DESI2: variants seen among roughly 807,000 people sequenced by gnomAD.
DESI2 encodes the protein desumoylating isopeptidase 2.
DESI2 carries 10 observed loss-of-function variants against 24.1 expected under a neutral mutation model. The ratio of observed to expected loss-of-function variants is 0.41; its 90% CI spans 0.26 to 0.70. DESI2 has a LOEUF of 0.70. DESI2 is among the 30% of genes least tolerant of loss of function. The probability of loss-of-function intolerance (pLI) is 0.29; values close to 1 mark genes in which losing one functional copy is unlikely to be tolerated. For synonymous variants in DESI2, 71 were observed against 87.7 expected (o/e 0.81, Z 1.06); for missense variants, 122 against 234.9 (o/e 0.52, Z 3.14).
chr1:244,686,178 G>C (rs1250522506), intron 1 of DESI2, among the ~76,000 whole-genome samples: 3 of 152,020 alleles, frequency 2.0e-5, no homozygotes, highest in Non-Finnish European at 4.4e-5. Flanking sequence ...AAATATTTCT[G>C]CTTTCAGGGA....
intron 1 of DESI2, among the ~76,000 whole-genome samples, chr1:244,677,378 G>A (rs1676448476): frequency 6.6e-6 from 1 of 152,062 alleles, no homozygotes; most frequent in East Asian, 1.9e-4. Flanking sequence ...TTTCCATTAG[G>A]TTGGTAGAGA....
chr1:244,657,669 A>G (rs1675695981), intron 1 of DESI2, among the ~76,000 whole-genome samples: 1 of 152,210 alleles, frequency 6.6e-6, no homozygotes, highest in South Asian at 2.1e-4. Context: ...AAGAACCAGG[A>G]CTTTCCATCC....
chr1:244,693,637 G>C (rs1276303933), intron 4 of DESI2, among the ~76,000 whole-genome samples: 1 of 152,108 alleles, frequency 6.6e-6, no homozygotes, highest in Non-Finnish European at 1.5e-5. Flanking sequence ...CTCCATGTTG[G>C]TTAGGCTGGT....
chr1:244,683,465 T>C lies in DESI2; in HGVS notation c.43-3132T>C, dbSNP rs563532448. 2.2e-4 allele frequency among the ~76,000 whole-genome samples: 34 copies of C among 151,800 alleles called. No homozygotes were observed. In the South Asian group the frequency reaches 2.3e-3, roughly 10 times the overall value. On this transcript the variant is annotated intron_variant, in intron 1 of 4. Transcript: ENST00000302550. ...TAGCTGGGACTACAAGTGCCCGCCATCACACCCGGCTAATTTTTTGTATTT... is the reference window on the plus strand; with the variant it reads ...TAGCTGGGACTACAAGTGCCCGCCACCACACCCGGCTAATTTTTTGTATTT...
At position 244,707,762 on chromosome 1, in the gene DESI2, A is replaced by T. The variant is rs1203087475; in HGVS notation, c.*1973A>T. 2.0e-5 allele frequency: 3 copies of T among 152,248 alleles called. No individual in the cohort carries two copies. Among genetic ancestry groups the T allele is most frequent in the Non-Finnish European group, 2.9e-5 (2 of 68,030 alleles). The allele number at this position is 152,248 out of a possible 1,614,324, so 9.4% of individuals were successfully genotyped here. A position where few individuals can be genotyped will look rare whatever the true frequency, so the allele number is the denominator to read the frequency against. ...ACTCTTCTTAGTGAATATCAGGAAC[A>T]TCCCATCTGTGCTTAACCAGAATCC... is the stretch of plus-strand genomic sequence containing the variant. On this transcript the variant is annotated 3_prime_UTR_variant, in exon 5 of 5. Coordinates refer to ENST00000302550, the MANE Select transcript of DESI2 (RefSeq NM_016076.5).
At chr1:244,692,893 C>CT (rs1385551414) in intron 4 of DESI2, among the ~76,000 whole-genome samples, 2 of 152,194 alleles carry the variant, frequency 1.3e-5, no homozygotes, top group Non-Finnish European at 2.9e-5. Flanking sequence ...CAAATCTTCA[C>CT]TTTAACAAGA....
rs531070014 is a variant in DESI2 at position 244,702,894 on chromosome 1, TTAAC to T, written c.352-2658_352-2655del. Reference sequence around the variant, plus strand: ...TGAATAGGCAACAGTCGCTATCACATTAACTAAATAGTCTTAGTCATGACTTACA... The same window carrying T: ...TGAATAGGCAACAGTCGCTATCACATTAAATAGTCTTAGTCATGACTTACA... On this transcript the variant is annotated intron_variant, in intron 4 of 4. Transcript: ENST00000302550. Among the ~76,000 whole-genome samples the T allele has an allele frequency of 1.9e-4, 29 of 152,302 alleles. No individual in the cohort carries two copies. The South Asian group carries it at 2.5e-3, about 13-fold the overall frequency.
intron 1 of DESI2, among the ~76,000 whole-genome samples, chr1:244,655,527 A>G (rs1282676619): frequency 1.3e-5 from 2 of 152,230 alleles, no homozygotes; most frequent in East Asian, 3.8e-4. Context: ...AGCCACAAGG[A>G]TGAGTTAACT....
Position 244,707,237 on chromosome 1 carries a change from A to G in DESI2, c.*1448A>G, listed in dbSNP as rs1197245763. 2.0e-5 allele frequency: 3 copies of G among 152,560 alleles called. No individual in the cohort carries two copies. The East Asian group carries it at 5.8e-4, about 29-fold the overall frequency. The allele number at this position is 152,560 out of a possible 1,614,324, so 9.5% of individuals were successfully genotyped here. A position where few individuals can be genotyped will look rare whatever the true frequency, so the allele number is the denominator to read the frequency against. On this transcript the variant is annotated 3_prime_UTR_variant, in exon 5 of 5. Transcript: ENST00000302550. ...TTGTTTGCTATTGCTCTGTGTGAGG[A>G]TACATAATCTTTCAGTAAACTGTAT...
intron 1 of DESI2, among the ~76,000 whole-genome samples, chr1:244,660,383 G>A (rs1034617118): frequency 6.6e-6 from 1 of 152,134 alleles, no homozygotes; most frequent in African/African-American, 2.4e-5. Context: ...GGCCACACTG[G>A]TCTCAGTCTC....
At chr1:244,695,765 T>C (rs888598087) in intron 4 of DESI2, among the ~76,000 whole-genome samples, 32 of 152,276 alleles carry the variant, frequency 2.1e-4, no homozygotes, top group Admixed American at 1.6e-3. Context: ...CAGCCCCAAA[T>C]TGTTTTGAAA....
chr1:244,689,424 C>G lies in DESI2; in HGVS notation c.209+82C>G. On this transcript the variant is annotated intron_variant, in intron 3 of 4. Coordinates refer to ENST00000302550, the MANE Select transcript of DESI2 (RefSeq NM_016076.5). The surrounding 1 kb of genome is among the most constrained non-coding windows in gnomAD (Gnocchi z 4.0). ...GGTATACAGAATTCATTCTGTAAAT[C>G]AAAACAAACCCAAGAAGTTAAAAAT... The G allele has an allele frequency of 1.6e-6, 1 of 639,688 alleles. No individual in the cohort carries two copies. The highest frequency in any genetic ancestry group is 2.8e-6 in the Non-Finnish European group (1 of 360,596). 39.6% of individuals were successfully genotyped at this position (639,688 alleles called of 1,614,324 possible).
intron 1 of DESI2, among the ~76,000 whole-genome samples, chr1:244,679,281 AAAGT>A (rs1214386068): frequency 6.6e-6 from 1 of 152,132 alleles, no homozygotes. Flanking sequence ...AAAGGGGGAG[AAAGT>A]AAGAGGATAG....
Position 244,706,512 on chromosome 1 carries a change from G to A in DESI2, c.*723G>A, listed in dbSNP as rs760468696. 4 of 152,632 alleles carry A rather than the reference G, an allele frequency of 2.6e-5. No homozygotes were observed. Among genetic ancestry groups the A allele is most frequent in the African/African-American group, 9.7e-5 (4 of 41,438 alleles). 9.5% of individuals were successfully genotyped at this position (152,632 alleles called of 1,614,324 possible). A position where few individuals can be genotyped will look rare whatever the true frequency, so the allele number is the denominator to read the frequency against. ...TGACTTTGATGCCACTCATTCTATAGTTTAGCTGGTTTTCGTTCAAGATAT... is the reference window on the plus strand; with the variant it reads ...TGACTTTGATGCCACTCATTCTATAATTTAGCTGGTTTTCGTTCAAGATAT... On this transcript the variant is annotated 3_prime_UTR_variant, in exon 5 of 5. Coordinates refer to ENST00000302550, the MANE Select transcript of DESI2 (RefSeq NM_016076.5).
intron 4 of DESI2, among the ~76,000 whole-genome samples, chr1:244,702,178 A>T (rs1474951629): frequency 6.6e-6 from 1 of 152,202 alleles, no homozygotes; most frequent in Non-Finnish European, 1.5e-5. Context: ...TCAGGTAGCA[A>T]TGCTAAGTGA....
intron 2 of DESI2, among the ~76,000 whole-genome samples, chr1:244,688,458 TA>T (rs1406048465): frequency 1.3e-5 from 2 of 152,214 alleles, no homozygotes; most frequent in African/African-American, 4.8e-5. Context: ...TAAGACCTTT[TA>T]AGGTATATTT....
At chr1:244,672,536 C>T (rs751162141) in intron 1 of DESI2, among the ~76,000 whole-genome samples, 1 of 152,152 alleles carries the variant, frequency 6.6e-6, no homozygotes, top group Admixed American at 6.6e-5. Flanking sequence ...AACGGACTAA[C>T]ACACCAGGTT....
At chr1:244,691,411 G>A (rs746612889) in intron 3 of DESI2, among the ~76,000 whole-genome samples, 3 of 152,318 alleles carry the variant, frequency 2.0e-5, no homozygotes, top group South Asian at 2.1e-4. Context: ...TTTAAAAAAC[G>A]TTTAGTCAGA....
rs559569681 is a variant in DESI2 at position 244,702,406 on chromosome 1, C to T, written c.352-3150C>T. On this transcript the variant is annotated intron_variant, in intron 4 of 4. Transcript: ENST00000302550. ...GTGCATGCCTATGATCCCATCTACT[C>T]GGGAGGCTGAGGCAAGAGGATCGCC... 2.8e-4 allele frequency among the ~76,000 whole-genome samples: 42 copies of T among 152,106 alleles called. No homozygotes were observed. In the Middle Eastern group the frequency reaches 0.01, roughly 37 times the overall value.
Sources: gnomAD v4.1 joint callset for allele counts (sites outside exome capture counted in the v4.1 genomes callset) on GRCh38, gnomAD v4.1.1 for gene constraint, Gnocchi (gnomAD v3.1) non-coding constraint, MANE v1.5 for transcripts, NCBI Gene and HGNC (gene_info 2026-07-23, HGNC 2026-07-21) for gene names.